Variants in BANK1 observed in about 807,000 individuals in gnomAD.
BANK1 encodes B cell scaffold protein with ankyrin repeats 1.
In BANK1, 95 loss-of-function variants were observed where a neutral mutation model predicts 94.5. The observed-to-expected ratio is 1.00, with a 90% CI of 0.85 to 1.19. BANK1 has a LOEUF of 1.19. BANK1 is among the 50% of genes most tolerant of loss of function. The pLI, the probability that BANK1 is intolerant of heterozygous loss-of-function variation, is 0.00. For synonymous variants in BANK1, 334 were observed against 308.4 expected (o/e 1.08, Z -0.87); for missense variants, 987 against 932.2 (o/e 1.06, Z -0.77).
chr4:102,066,204 A>AAT (rs1203911735), intron 13 of BANK1, among the ~76,000 whole-genome samples: 1 of 152,172 alleles, frequency 6.6e-6, no homozygotes, highest in Non-Finnish European at 1.5e-5. Context: ...AGGAAAAAAA[A>AAT]ATTCAATAAT....
Position 101,918,122 on chromosome 4 carries a change from C to T in BANK1, c.1139C>T (p.Ser380Leu), listed in dbSNP as rs375539186. The T allele has an allele frequency of 1.9e-6, 3 of 1,611,300 alleles. No individual in the cohort carries two copies. Among genetic ancestry groups the T allele is most frequent in the Non-Finnish European group, 1.7e-6 (2 of 1,178,340 alleles). ...WASKMKNMEGSDPAHIAERHG... is the reference protein window; with the variant it reads ...WASKMKNMEGLDPAHIAERHG... Reference sequence around the variant, plus strand: ...TCTAAGATGAAAAATATGGAGGGTTCAGACCCCGCACATATTGCTGAAAGG... The same window carrying T: ...TCTAAGATGAAAAATATGGAGGGTTTAGACCCCGCACATATTGCTGAAAGG... Residue 380 changes from serine to leucine, a missense_variant, in exon 7 of 17, where the codon TCA becomes TTA. Transcript: ENST00000322953.
rs73836648 is a variant in BANK1, at chr4:101,922,057, A to T, written c.1206+3868A>T. On this transcript the variant is annotated intron_variant, in intron 7 of 16. Transcript: ENST00000322953. ...GTGTGTGTGTGTGTGTGTGTGTGTGAGACAGAGAGATTTTGTTGCCCTCCA... is the reference window on the plus strand; with the variant it reads ...GTGTGTGTGTGTGTGTGTGTGTGTGTGACAGAGAGATTTTGTTGCCCTCCA... Among the ~76,000 whole-genome samples, 1,054 of 116,928 alleles carry T rather than the reference A, an allele frequency of 9.0e-3. 4 individuals carry two copies. The highest frequency in any genetic ancestry group is 0.021 in the African/African-American group (641 of 30,220). 76.7% of individuals were successfully genotyped at this position (116,928 alleles called of 152,430 possible).
At chr4:101,862,445 A>C (rs2148877522) in intron 3 of BANK1, 81 bp from the exon 4 acceptor site, 1 of 1,175,236 alleles carries the variant, frequency 8.5e-7, no homozygotes, top group Admixed American at 2.6e-5. Flanking sequence ...GTATTACCTT[A>C]ATTATAAAGA....
chr4:102,057,821 A>AT (rs1728281338), intron 11 of BANK1, among the ~76,000 whole-genome samples: 1 of 152,164 alleles, frequency 6.6e-6, no homozygotes. Context: ...AGTGGCAGAA[A>AT]TTTTTTATAT....
chr4:101,840,893 G>C (rs950870315), intron 2 of BANK1, among the ~76,000 whole-genome samples: 2 of 152,072 alleles, frequency 1.3e-5, no homozygotes, highest in African/African-American at 4.8e-5. Context: ...GCAGTGGTGC[G>C]ATCTCAGCTC....
chr4:102,004,063 T>C (rs978957281), intron 7 of BANK1, among the ~76,000 whole-genome samples: 1 of 152,098 alleles, frequency 6.6e-6, no homozygotes, highest in Non-Finnish European at 1.5e-5. Flanking sequence ...TTCCTTTTTT[T>C]TTCCACAGCA....
intron 2 of BANK1, among the ~76,000 whole-genome samples, chr4:101,838,296 A>G (rs1279277564): frequency 6.6e-6 from 1 of 152,182 alleles, no homozygotes; most frequent in African/African-American, 2.4e-5. Flanking sequence ...TTATGAATGT[A>G]TACACCCTAT....
chr4:102,067,148 A>G lies in BANK1; in HGVS notation c.2212+4010A>G, dbSNP rs535106413. 3.3e-5 allele frequency among the ~76,000 whole-genome samples: 5 copies of G among 152,222 alleles called. No individual in the cohort carries two copies. In the East Asian group the frequency reaches 9.6e-4, roughly 29 times the overall value. On this transcript the variant is annotated intron_variant, in intron 13 of 16. Transcript: ENST00000322953. ...AAGAAATCAGTTAAAAAATAGATAAAAAGAACTATATTTAGGAAACCTATA... is the reference window on the plus strand; with the variant it reads ...AAGAAATCAGTTAAAAAATAGATAAGAAGAACTATATTTAGGAAACCTATA...
chr4:102,031,415 T>A (rs1727305093), intron 10 of BANK1, among the ~76,000 whole-genome samples: 1 of 152,234 alleles, frequency 6.6e-6, no homozygotes, highest in Non-Finnish European at 1.5e-5. Context: ...GATAGTTTCT[T>A]TTGCTGTGCA....
At chr4:102,050,872 C>T (rs755963696) in intron 11 of BANK1, among the ~76,000 whole-genome samples, 1 of 152,122 alleles carries the variant, frequency 6.6e-6, no homozygotes, top group Non-Finnish European at 1.5e-5. Flanking sequence ...TAAGCAGGTA[C>T]TAAATATTAT....
At chr4:101,895,275 G>T in intron 5 of BANK1, 30 bp from the exon 6 acceptor site, 1 of 1,320,320 alleles carries the variant, frequency 7.6e-7, no homozygotes, top group Non-Finnish European at 1.1e-6. Context: ...AATTAACCTA[G>T]TGAAAATTTT....
At chr4:101,896,858 A>T (rs1048826541) in intron 6 of BANK1, among the ~76,000 whole-genome samples, 1 of 151,948 alleles carries the variant, frequency 6.6e-6, no homozygotes, top group Non-Finnish European at 1.5e-5. Flanking sequence ...TATAGTTGCC[A>T]AAAGAATGAA....
At chr4:102,030,747 T>A (rs983318743) in intron 10 of BANK1, among the ~76,000 whole-genome samples, 2 of 152,192 alleles carry the variant, frequency 1.3e-5, no homozygotes, top group Non-Finnish European at 2.9e-5. Context: ...GCATCATCCA[T>A]GTCCCTGCAA....
intron 4 of BANK1, among the ~76,000 whole-genome samples, chr4:101,869,942 C>T (rs1455128665): frequency 6.6e-6 from 1 of 151,862 alleles, no homozygotes; most frequent in African/African-American, 2.4e-5. Context: ...ACAACTTGTT[C>T]TCAAAAAGGC....
chr4:101,875,485 T>G (rs1024538866), intron 5 of BANK1, among the ~76,000 whole-genome samples: 1 of 152,130 alleles, frequency 6.6e-6, no homozygotes, highest in Non-Finnish European at 1.5e-5. Flanking sequence ...ATTTTACATG[T>G]TGGCAGGAGG....
intron 12 of BANK1, 79 bp from the exon 13 acceptor site, chr4:102,062,996 C>T (rs887701037): frequency 8.9e-7 from 1 of 1,120,094 alleles, no homozygotes; most frequent in Non-Finnish European, 1.3e-6. Context: ...ATTGGTATTG[C>T]TAATAGTAGT....
At chr4:101,991,952 G>T (rs1471600656) in intron 7 of BANK1, among the ~76,000 whole-genome samples, 2 of 152,114 alleles carry the variant, frequency 1.3e-5, no homozygotes, top group Admixed American at 1.3e-4. Flanking sequence ...GTAAAATTCT[G>T]CCTGAAGCCT....
intron 6 of BANK1, among the ~76,000 whole-genome samples, chr4:101,914,651 T>C (rs1470644597): frequency 8.5e-5 from 13 of 152,170 alleles, no homozygotes; most frequent in Admixed American, 7.9e-4. Context: ...AATTGATACA[T>C]AACCTTGCTT....
At position 101,958,714 on chromosome 4, in the gene BANK1, G is replaced by A. The variant is rs533270268; in HGVS notation, c.1206+40525G>A. On this transcript the variant is annotated intron_variant, in intron 7 of 16. Coordinates refer to ENST00000322953, the MANE Select transcript of BANK1 (RefSeq NM_017935.5). ...CATAAGGATGTCAGCAGGATCCCATGCAATTGTGTGGATAATGGATACTGA... is the reference window on the plus strand; with the variant it reads ...CATAAGGATGTCAGCAGGATCCCATACAATTGTGTGGATAATGGATACTGA... 3.3e-5 allele frequency among the ~76,000 whole-genome samples: 5 copies of A among 152,282 alleles called. No homozygotes were observed. The East Asian group carries it at 9.6e-4, about 29-fold the overall frequency.
Sources: allele counts gnomAD v4.1 joint callset (sites outside exome capture counted in the v4.1 genomes callset), GRCh38; gene constraint gnomAD v4.1.1; transcripts MANE v1.5; gene names NCBI Gene and HGNC (gene_info 2026-07-23, HGNC 2026-07-21).